The following DAP variants were observed in gnomAD, a reference collection of about 807,000 sequenced individuals.
DAP encodes the protein death-associated protein 1.
DAP carries 8 observed loss-of-function variants against 13.8 expected under a neutral mutation model. The observed-to-expected ratio is 0.58, with a 90% CI of 0.34 to 1.05. DAP has a LOEUF of 1.05. Among genes scored for constraint, DAP ranks in the 50% least tolerant of loss-of-function variants. DAP has a pLI of 0.03. For missense variants in DAP, 106 were observed against 133.2 expected (o/e 0.80, Z 1.01); for synonymous variants, 47 against 47.5 (o/e 0.99, Z 0.04).
intron 2 of DAP, among the ~76,000 whole-genome samples, chr5:10,742,270 C>T (rs766404723): frequency 3.9e-5 from 6 of 152,188 alleles, no homozygotes; most frequent in Non-Finnish European, 7.3e-5. Context: ...TGCGGTGGCT[C>T]ATGCCTGTAA....
chr5:10,728,696 T>C (rs1369439448), intron 2 of DAP, among the ~76,000 whole-genome samples: 2 of 152,230 alleles, frequency 1.3e-5, no homozygotes, highest in Non-Finnish European at 2.9e-5. Flanking sequence ...TGTCTTGCCT[T>C]AGATACAACT....
intron 2 of DAP, among the ~76,000 whole-genome samples, chr5:10,687,622 G>A (rs1561006367): frequency 6.6e-6 from 1 of 152,212 alleles, no homozygotes; most frequent in Non-Finnish European, 1.5e-5. Context: ...CCTCAGGGAT[G>A]AGGAGTTGCT....
chr5:10,722,611 T>C lies in DAP; in HGVS notation c.152+25564A>G, dbSNP rs563427706. Among the ~76,000 whole-genome samples, 35 of 149,058 alleles carry C rather than the reference T, an allele frequency of 2.3e-4. 1 individual carries two copies. In the South Asian group the frequency reaches 5.4e-3, roughly 23 times the overall value. ...ACATATATACATATATATACATATATACACATATATACACACATATATATA... is the reference window on the plus strand; with the variant it reads ...ACATATATACATATATATACATATACACACATATATACACACATATATATA... On this transcript the variant is annotated intron_variant, in intron 2 of 3. Coordinates refer to ENST00000230895, the MANE Select transcript of DAP (RefSeq NM_004394.3).
intron 2 of DAP, among the ~76,000 whole-genome samples, chr5:10,739,787 T>TCACACACACA (rs35309839): frequency 6.2e-4 from 92 of 148,612 alleles, no homozygotes; most frequent in African/African-American, 2.2e-3. Context: ...CTAAATTAAC[T>TCACACACACA]CACACACACA....
At chr5:10,745,651 C>A (rs1317426786) in intron 2 of DAP, among the ~76,000 whole-genome samples, 1 of 152,308 alleles carries the variant, frequency 6.6e-6, no homozygotes, top group East Asian at 1.9e-4. Context: ...GTGGGCTGTT[C>A]TGTCCTTATT....
At chr5:10,744,901 C>A (rs1161833532) in intron 2 of DAP, among the ~76,000 whole-genome samples, 1 of 152,188 alleles carries the variant, frequency 6.6e-6, no homozygotes, top group Non-Finnish European at 1.5e-5. Context: ...ACTTACCCAC[C>A]GTGTGCCCTC....
intron 2 of DAP, among the ~76,000 whole-genome samples, chr5:10,727,704 C>T (rs1252765777): frequency 6.6e-6 from 1 of 152,172 alleles, no homozygotes; most frequent in Admixed American, 6.5e-5. Context: ...AGGCAATCTG[C>T]TATGTTTCTG....
chr5:10,703,415 G>A (rs1561013315), intron 2 of DAP, among the ~76,000 whole-genome samples: 1 of 152,142 alleles, frequency 6.6e-6, no homozygotes, highest in Non-Finnish European at 1.5e-5. Flanking sequence ...CAGGGGGGGT[G>A]TCACCGACTC....
intron 2 of DAP, among the ~76,000 whole-genome samples, chr5:10,720,954 C>A (rs1267825720): frequency 1.3e-5 from 2 of 152,208 alleles, no homozygotes; most frequent in African/African-American, 4.8e-5. Flanking sequence ...ACAGTATTGC[C>A]TCTGACCAAG....
At chr5:10,702,113 C>T (rs1738594440) in intron 2 of DAP, among the ~76,000 whole-genome samples, 1 of 152,228 alleles carries the variant, frequency 6.6e-6, no homozygotes, top group African/African-American at 2.4e-5. Flanking sequence ...TAGGCTTCTG[C>T]ACGCATGGCT....
At chr5:10,703,964 C>T (rs1738641613) in intron 2 of DAP, among the ~76,000 whole-genome samples, 2 of 152,252 alleles carry the variant, frequency 1.3e-5, no homozygotes, top group Admixed American at 1.3e-4. Context: ...CAGCACCATG[C>T]TGTGGCAGAA....
chr5:10,710,364 T>C (rs958568327), intron 2 of DAP, among the ~76,000 whole-genome samples: 2 of 152,216 alleles, frequency 1.3e-5, no homozygotes, highest in Non-Finnish European at 2.9e-5. Context: ...AGCCACAGAA[T>C]GGCCCTGGCA....
intron 2 of DAP, among the ~76,000 whole-genome samples, chr5:10,708,372 GCA>G (rs1738753374): frequency 6.8e-6 from 1 of 146,618 alleles, no homozygotes; most frequent in Non-Finnish European, 1.5e-5. Flanking sequence ...ATACACACAT[GCA>G]CAGACATACA....
At chr5:10,743,678 CA>C (rs1739825570) in intron 2 of DAP, among the ~76,000 whole-genome samples, 1 of 152,188 alleles carries the variant, frequency 6.6e-6, no homozygotes, top group Non-Finnish European at 1.5e-5. Flanking sequence ...CTCTCCTTTA[CA>C]TAATGAAACT....
chr5:10,688,814 C>T (rs1738222885), intron 2 of DAP, among the ~76,000 whole-genome samples: 1 of 152,198 alleles, frequency 6.6e-6, no homozygotes, highest in Non-Finnish European at 1.5e-5. Context: ...GCAGAGGCGC[C>T]ATCCAGCAGT....
At chr5:10,739,787 T>TCACACACACACACACACACA (rs35309839) in intron 2 of DAP, among the ~76,000 whole-genome samples, 1 of 148,506 alleles carries the variant, frequency 6.7e-6, no homozygotes, top group African/African-American at 2.5e-5. Context: ...CTAAATTAAC[T>TCACACACACACACACACACA]CACACACACA....
At chr5:10,741,704 G>A (rs568490351) in intron 2 of DAP, among the ~76,000 whole-genome samples, 4 of 152,252 alleles carry the variant, frequency 2.6e-5, no homozygotes, top group South Asian at 2.1e-4. Context: ...TTTTGTAAAC[G>A]TGCCTACTTG....
chr5:10,745,887 G>C (rs1001743377), intron 2 of DAP, among the ~76,000 whole-genome samples: 1 of 152,192 alleles, frequency 6.6e-6, no homozygotes, highest in African/African-American at 2.4e-5. Context: ...TTCCTAGAGG[G>C]AAATTACTAC....
chr5:10,723,591 G>C (rs949150263), intron 2 of DAP, among the ~76,000 whole-genome samples: 71 of 152,312 alleles, frequency 4.7e-4, no homozygotes, highest in Admixed American at 4.6e-3. Context: ...AGAAGACCCA[G>C]GCAAGAAACA....
Sources: gnomAD v4.1 joint callset for allele counts (sites outside exome capture counted in the v4.1 genomes callset) on GRCh38, gnomAD v4.1.1 for gene constraint, MANE v1.5 for transcripts, NCBI Gene and HGNC (gene_info 2026-07-23, HGNC 2026-07-21) for gene names.